The following CLTC variants were observed in gnomAD, a reference collection of about 807,000 sequenced individuals.
CLTC encodes the protein clathrin heavy chain, also known as clathrin heavy chain 1.
In CLTC, 16 loss-of-function variants were observed where a neutral mutation model predicts 195.8. The observed-to-expected ratio is 0.08, with a 90% CI of 0.06 to 0.12. The LOEUF (loss-of-function observed/expected upper bound fraction) is 0.12. Among genes scored for constraint, CLTC ranks in the 10% least tolerant of loss-of-function variants. The probability of loss-of-function intolerance (pLI) is 1.00; values close to 1 mark genes in which losing one functional copy is unlikely to be tolerated. For synonymous variants in CLTC, 667 were observed against 689.4 expected, an observed-to-expected ratio of 0.97 and a Z score of 0.51; for missense variants, 796 against 2,027.0, an observed-to-expected ratio of 0.39 and a Z score of 11.66.
intron 1 of CLTC, among the ~76,000 whole-genome samples, chr17:59,634,873 C>T (rs2031818330): frequency 1.3e-5 from 2 of 152,140 alleles, no homozygotes; most frequent in Non-Finnish European, 2.9e-5. Flanking sequence ...CTGCTAGTTT[C>T]CAGGAAGGGC....
At chr17:59,676,829 G>A (rs540885508) in intron 16 of CLTC, 125 bp from the exon 17 acceptor site, 4 of 705,176 alleles carry the variant, frequency 5.7e-6, no homozygotes, top group African/African-American at 5.3e-5. Context: ...GCAATACTCG[G>A]GGGGCGGGGA....
intron 1 of CLTC, among the ~76,000 whole-genome samples, chr17:59,625,385 G>GGCCTCCCA (rs2031519082): frequency 6.6e-6 from 1 of 152,002 alleles, no homozygotes; most frequent in Non-Finnish European, 1.5e-5. Flanking sequence ...TCGGCCTCCC[G>GGCCTCCCA]AAGTGTTAGG....
chr17:59,669,604 C>G (rs1013263582), intron 14 of CLTC, among the ~76,000 whole-genome samples: 9 of 152,020 alleles, frequency 5.9e-5, no homozygotes, highest in African/African-American at 2.2e-4. Context: ...CTTGTAACTG[C>G]CAGTTACTTT....
At chr17:59,676,913 A>G in intron 16 of CLTC, 41 bp from the exon 17 acceptor site, 1 of 1,396,282 alleles carries the variant, frequency 7.2e-7, no homozygotes, top group Non-Finnish European at 1.0e-6. Context: ...GTTATTTATA[A>G]TACAGTATGT....
intron 16 of CLTC, among the ~76,000 whole-genome samples, chr17:59,675,379 C>CT (rs2032943700): frequency 6.6e-6 from 1 of 152,048 alleles, no homozygotes; most frequent in Non-Finnish European, 1.5e-5. Context: ...ACTGTGAAGT[C>CT]TTTTTTTAGC....
At chr17:59,622,776 G>A (rs2031423370) in intron 1 of CLTC, among the ~76,000 whole-genome samples, 1 of 152,180 alleles carries the variant, frequency 6.6e-6, no homozygotes, top group African/African-American at 2.4e-5. Context: ...ATAAAAACTG[G>A]AAACAAGAAA....
chr17:59,636,643 A>G (rs971588611), intron 1 of CLTC, among the ~76,000 whole-genome samples: 24 of 152,136 alleles, frequency 1.6e-4, no homozygotes, highest in Non-Finnish European at 2.1e-4. Context: ...GTGAACCACC[A>G]TACCCAGTCT....
intron 6 of CLTC, among the ~76,000 whole-genome samples, chr17:59,656,912 T>G (rs1170010198): frequency 6.6e-6 from 1 of 151,978 alleles, no homozygotes; most frequent in Non-Finnish European, 1.5e-5. Flanking sequence ...GACCTTGTGA[T>G]CCACCCGCCC....
intron 31 of CLTC, 85 bp from the exon 32 acceptor site, chr17:59,693,643 G>A (rs543226216): frequency 2.1e-6 from 3 of 1,424,230 alleles, no homozygotes; most frequent in South Asian, 2.9e-5. Context: ...CTAGAGTGGA[G>A]GAGATTGGAG....
At chr17:59,667,502 A>G (rs1169554816) in intron 13 of CLTC, among the ~76,000 whole-genome samples, 1 of 152,192 alleles carries the variant, frequency 6.6e-6, no homozygotes, top group Non-Finnish European at 1.5e-5. Context: ...GTATAATAAA[A>G]TTTTATGCTT....
In CLTC at chr17:59,696,248, A is replaced by T. The variant is rs1273130033; in HGVS notation, c.*2396A>T. 2 of 221,700 alleles carry T rather than the reference A, an allele frequency of 9.0e-6. No homozygotes were observed. Among genetic ancestry groups the T allele is most frequent in the African/African-American group, 4.5e-5 (2 of 44,692 alleles). The allele number at this position is 221,700 out of a possible 1,614,324, so 13.7% of individuals were successfully genotyped here. On this transcript the variant is annotated 3_prime_UTR_variant, in exon 32 of 32. Coordinates refer to ENST00000269122, the MANE Select transcript of CLTC (RefSeq NM_004859.4). ...CTATTGTGGCATCATTCACAGTTGC[A>T]ATTTTTCTCCTGTGCTGTCATATGC...
At chr17:59,692,162 C>T (rs1454319308) in intron 31 of CLTC, among the ~76,000 whole-genome samples, 1 of 152,070 alleles carries the variant, frequency 6.6e-6, no homozygotes, top group Non-Finnish European at 1.5e-5. Context: ...ACTAAAAGTA[C>T]AAAAATTGGC....
intron 31 of CLTC, among the ~76,000 whole-genome samples, chr17:59,692,299 G>A (rs1350522769): frequency 6.9e-6 from 1 of 145,904 alleles, no homozygotes; most frequent in Non-Finnish European, 1.5e-5. Flanking sequence ...GGGCGACAGA[G>A]CGAGACTCCG....
At chr17:59,628,952 G>A (rs578201880) in intron 1 of CLTC, among the ~76,000 whole-genome samples, 29 of 152,124 alleles carry the variant, frequency 1.9e-4, no homozygotes, top group African/African-American at 7.0e-4. Flanking sequence ...GTGAGCCATC[G>A]TGCCTGGCCA....
At position 59,623,231 on chromosome 17, in the gene CLTC, T is replaced by A. The variant is rs533790436; in HGVS notation, c.42+3058T>A. Among the ~76,000 whole-genome samples, 141 of 152,266 alleles carry A rather than the reference T, an allele frequency of 9.3e-4. 2 individuals are homozygous for A. Among genetic ancestry groups the A allele is most frequent in the Middle Eastern group, 6.8e-3 (2 of 294 alleles). On this transcript the variant is annotated intron_variant, in intron 1 of 31. Transcript: ENST00000269122. ...TGGAATGTGTTGTTGAGTCAAATGT[T>A]AGGGGTTCTTGCTATAGTTAGTTCG...
At chr17:59,653,961 T>A (rs12449896) in intron 5 of CLTC, among the ~76,000 whole-genome samples, 1 of 151,614 alleles carries the variant, frequency 6.6e-6, no homozygotes, top group Non-Finnish European at 1.5e-5. Context: ...TTAGTAGAGT[T>A]GGGGTTTCGC....
chr17:59,648,092 G>A lies in CLTC; in HGVS notation c.520-148G>A. On this transcript the variant is annotated intron_variant, in intron 3 of 31. Coordinates refer to ENST00000269122, the MANE Select transcript of CLTC (RefSeq NM_004859.4). The surrounding 1 kb of genome is among the most constrained non-coding windows in gnomAD (Gnocchi z 4.5). ...TTTGGGGCTGATTTTAAGTTAAGAA[G>A]TATCAAATCTACAGTGAGAGATGAA... 1.3e-6 allele frequency: 1 copy of A among 742,512 alleles called. No homozygotes were observed. 46.0% of individuals were successfully genotyped at this position (742,512 alleles called of 1,614,324 possible).
intron 30 of CLTC, among the ~76,000 whole-genome samples, chr17:59,688,475 C>T (rs1427884931): frequency 6.6e-6 from 1 of 152,180 alleles, no homozygotes; most frequent in Admixed American, 6.5e-5. Flanking sequence ...ACTTTAGTTA[C>T]AGCTCTTAAC....
In CLTC at chr17:59,677,292, G is replaced by C. The variant is rs1370256286; in HGVS notation, c.2796+104G>C. On this transcript the variant is annotated intron_variant, in intron 17 of 31. Coordinates refer to ENST00000269122, the MANE Select transcript of CLTC (RefSeq NM_004859.4). ...GTAATATGGGACATTTGGGGACGGT[G>C]GGTGCTTTTTTAAAACTTTATTTGG... 9.5e-6 allele frequency: 8 copies of C among 840,016 alleles called. No homozygotes were observed. In the East Asian group the frequency reaches 1.6e-4, roughly 17 times the overall value. The allele number at this position is 840,016 out of a possible 1,614,324, so 52.0% of individuals were successfully genotyped here.
Sources: gnomAD v4.1 joint callset for allele counts (sites outside exome capture counted in the v4.1 genomes callset) on GRCh38, gnomAD v4.1.1 for gene constraint, Gnocchi (gnomAD v3.1) non-coding constraint, MANE v1.5 for transcripts, NCBI Gene and HGNC (gene_info 2026-07-23, HGNC 2026-07-21) for gene names.